ANO5: variants seen among roughly 807,000 people sequenced by gnomAD.
The protein encoded by ANO5 is anoctamin-5.
In ANO5, 109 loss-of-function variants were observed where a neutral mutation model predicts 121.0. The observed-to-expected ratio is 0.90, with a 90% confidence interval of 0.77 to 1.06. The LOEUF (loss-of-function observed/expected upper bound fraction) is 1.06. ANO5 is among the 50% of genes least tolerant of loss of function. The pLI, the probability that ANO5 is intolerant of heterozygous loss-of-function variation, is 0.00. For missense variants in ANO5, 1,064 were observed against 1,078.5 expected, an observed-to-expected ratio of 0.99 and a Z score of 0.19; for synonymous variants, 406 against 359.9, an observed-to-expected ratio of 1.13 and a Z score of -1.45.
intron 3 of ANO5, among the ~76,000 whole-genome samples, chr11:22,214,518 G>A (rs189522758): frequency 2.0e-5 from 3 of 151,958 alleles, no homozygotes; most frequent in African/African-American, 7.2e-5. Flanking sequence ...AGCATATATA[G>A]GTGTAGTAAT....
intron 2 of ANO5, among the ~76,000 whole-genome samples, chr11:22,209,903 G>A (rs1852226682): frequency 6.6e-6 from 1 of 151,766 alleles, no homozygotes; most frequent in African/African-American, 2.4e-5. Context: ...TAGGATAATT[G>A]GAAAAACTTA....
In ANO5 at chr11:22,250,844, A is replaced by G; in HGVS notation, c.1117A>G (p.Lys373Glu). Residue 373 changes from lysine to glutamate, a missense_variant and splice_region_variant, in exon 11 of 22, where the codon AAG (lysine) becomes GAG (glutamate). Physicochemically the swap from Lys to Glu is moderately conservative, Grantham distance 56. Coordinates refer to ENST00000324559, the MANE Select transcript of ANO5 (RefSeq NM_213599.3). ...ACTAAATAGTACGTGTTTGGCTTCAAAGGTATGTATGCATTGTAACATGTT... is the reference window on the plus strand; with the variant it reads ...ACTAAATAGTACGTGTTTGGCTTCAGAGGTATGTATGCATTGTAACATGTT... ...WRLNSTCLASKFSHLFDNEST... is the reference protein window; with the variant it reads ...WRLNSTCLASEFSHLFDNEST... The G allele has an allele frequency of 6.2e-7, 1 of 1,613,720 alleles. No homozygotes were observed. Among genetic ancestry groups the G allele is most frequent in the Non-Finnish European group, 8.5e-7 (1 of 1,179,670 alleles).
At chr11:22,194,804 G>GT in intron 1 of ANO5, among the ~76,000 whole-genome samples, 1 of 152,308 alleles carries the variant, frequency 6.6e-6, no homozygotes, top group East Asian at 1.9e-4. Flanking sequence ...CTATTCCGTT[G>GT]TAGAGATATA....
chr11:22,267,031 AT>A (rs1854390372), intron 17 of ANO5, among the ~76,000 whole-genome samples: 2 of 152,314 alleles, frequency 1.3e-5, no homozygotes, highest in South Asian at 4.1e-4. Flanking sequence ...ATGTGTTAGC[AT>A]TTTTAAAGAA....
rs765638010 is a variant in ANO5, at chr11:22,282,997, G to A, written c.*3232G>A. On this transcript the variant is annotated 3_prime_UTR_variant, in exon 22 of 22. Coordinates refer to ENST00000324559, the MANE Select transcript of ANO5 (RefSeq NM_213599.3). ...TAACTACTGTGTTATTCTTTTTCTA[G>A]ACAAATTTTGACTCTTCTACTTTTA... 6.6e-6 allele frequency: 1 copy of A among 152,136 alleles called. No individual in the cohort carries two copies. The highest frequency in any genetic ancestry group is 2.1e-4 in the South Asian group (1 of 4,828). The allele number at this position is 152,136 out of a possible 1,614,324, so 9.4% of individuals were successfully genotyped here.
At chr11:22,251,903 G>A (rs1396417836) in intron 12 of ANO5, among the ~76,000 whole-genome samples, 2 of 151,654 alleles carry the variant, frequency 1.3e-5, no homozygotes, top group African/African-American at 4.8e-5. Context: ...GGTGGCAGGT[G>A]CCTGTAGTTC....
chr11:22,259,956 A>G (rs535722781), intron 15 of ANO5, among the ~76,000 whole-genome samples: 1 of 151,862 alleles, frequency 6.6e-6, no homozygotes, highest in Admixed American at 6.6e-5. Context: ...CTGAAAAAAA[A>G]AAAAAAGAAT....
intron 8 of ANO5, among the ~76,000 whole-genome samples, chr11:22,237,599 C>CG (rs1853267192): frequency 1.3e-5 from 2 of 152,124 alleles, no homozygotes; most frequent in South Asian, 4.2e-4. Flanking sequence ...CTATGTTGGC[C>CG]AGGCTGTAAT....
intron 10 of ANO5, 122 bp downstream of exon 10, chr11:22,250,493 A>AT (rs1391007865): frequency 6.4e-6 from 9 of 1,401,054 alleles, no homozygotes; most frequent in Admixed American, 2.0e-5. Flanking sequence ...GATAATCGAT[A>AT]TTTTCCAAAA....
At chr11:22,209,936 CTA>C (rs1564913444) in intron 2 of ANO5, among the ~76,000 whole-genome samples, 1 of 151,818 alleles carries the variant, frequency 6.6e-6, no homozygotes, top group Non-Finnish European at 1.5e-5. Context: ...ATAAATGAAA[CTA>C]TAATAAATTT....
At position 22,236,231 on chromosome 11, in the gene ANO5, A is replaced by T; in HGVS notation, c.717A>T (p.Arg239Ser). Residue 239 changes from arginine (R) to serine (S), a missense_variant, in exon 8 of 22, where the codon AGA becomes AGT. Coordinates refer to ENST00000324559, the MANE Select transcript of ANO5 (RefSeq NM_213599.3). ...GGAAGAAAAGGTTTGGGATTGAAAGACTGCTAAACTCTAACACTTACTCAT... is the reference window on the plus strand; with the variant it reads ...GGAAGAAAAGGTTTGGGATTGAAAGTCTGCTAAACTCTAACACTTACTCAT... ...EDGKKRFGIERLLNSNTYSSA... is the reference protein window; with the variant it reads ...EDGKKRFGIESLLNSNTYSSA... The T allele has an allele frequency of 6.2e-7, 1 of 1,613,396 alleles. No individual in the cohort carries two copies. The highest frequency in any genetic ancestry group is 8.5e-7 in the Non-Finnish European group (1 of 1,179,566).
At chr11:22,269,357 A>G (rs942593982) in intron 17 of ANO5, among the ~76,000 whole-genome samples, 1 of 140,578 alleles carries the variant, frequency 7.1e-6, no homozygotes, top group African/African-American at 2.8e-5. Context: ...AAGGGAAGGG[A>G]AGAGAAGGGA....
chr11:22,259,003 G>T (rs1347961565), intron 14 of ANO5, among the ~76,000 whole-genome samples: 1 of 151,848 alleles, frequency 6.6e-6, no homozygotes. Context: ...TGTGGTGGCG[G>T]TCACCTGTAG....
intron 18 of ANO5, among the ~76,000 whole-genome samples, chr11:22,271,456 G>A (rs1050639001): frequency 3.9e-5 from 6 of 152,174 alleles, no homozygotes; most frequent in Non-Finnish European, 7.3e-5. Flanking sequence ...GTGATACATG[G>A]ATTGAAATAT....
chr11:22,210,522 C>T (rs568065760), intron 2 of ANO5, among the ~76,000 whole-genome samples: 28 of 151,846 alleles, frequency 1.8e-4, no homozygotes, highest in Admixed American at 1.1e-3. Flanking sequence ...CATGAATTTC[C>T]GATCATTTCT....
At chr11:22,265,109 CAA>C (rs1854317414) in intron 17 of ANO5, among the ~76,000 whole-genome samples, 1 of 152,020 alleles carries the variant, frequency 6.6e-6, no homozygotes, top group African/African-American at 2.4e-5. Context: ...GAAATGGAAA[CAA>C]ATTCTGAGTA....
At chr11:22,251,658 G>T (rs984689691) in intron 12 of ANO5, among the ~76,000 whole-genome samples, 1 of 152,034 alleles carries the variant, frequency 6.6e-6, no homozygotes, top group South Asian at 2.1e-4. Context: ...AAAACTTGGA[G>T]TTCCTGGGTG....
chr11:22,276,289 T>C (rs1854846810), intron 21 of ANO5, 90 bp downstream of exon 21: 4 of 1,037,426 alleles, frequency 3.9e-6, no homozygotes, highest in African/African-American at 3.2e-5. Context: ...AAGTTAGCAA[T>C]ATCTCAGTAA....
intron 9 of ANO5, among the ~76,000 whole-genome samples, chr11:22,242,378 A>G (rs1455700411): frequency 2.6e-5 from 4 of 151,952 alleles, no homozygotes; most frequent in Admixed American, 6.6e-5. Context: ...CTATTTGGCC[A>G]TTTTTATGGT....
Sources: gnomAD v4.1 joint callset for allele counts (sites outside exome capture counted in the v4.1 genomes callset) on GRCh38, gnomAD v4.1.1 for gene constraint, MANE v1.5 for transcripts, NCBI Gene and HGNC (gene_info 2026-07-23, HGNC 2026-07-21) for gene names.